The following DNAH12 variants were observed in gnomAD, a reference collection of about 807,000 sequenced individuals.
DNAH12 encodes the protein dynein axonemal heavy chain 12, also known as axonemal beta dynein heavy chain 12.
DNAH12 carries 285 observed loss-of-function variants against 371.5 expected under a neutral mutation model. That is an observed-to-expected ratio of 0.77 (90% CI 0.70 to 0.85). The LOEUF is 0.85. DNAH12 is among the 40% of genes least tolerant of loss of function. The pLI is 0.00. For missense variants in DNAH12, 3,611 were observed against 3,689.4 expected (o/e 0.98, Z 0.55); for synonymous variants, 1,200 against 1,213.0 (o/e 0.99, Z 0.22).
chr3:57,487,414 A>AG (rs1553707697), intron 12 of DNAH12, among the ~76,000 whole-genome samples: 1 of 146,220 alleles, frequency 6.8e-6, no homozygotes, highest in African/African-American at 2.5e-5. Context: ...AAAAAAAAGA[A>AG]AAAGAAAGAA....
intron 2 of DNAH12, chr3:57,530,762 C>CT: frequency 4.3e-6 from 1 of 232,130 alleles, no homozygotes. Flanking sequence ...ACCTACATCA[C>CT]TTGGAGCCCC....
intron 50 of DNAH12, among the ~76,000 whole-genome samples, chr3:57,380,685 C>G (rs1275821161): frequency 6.6e-6 from 1 of 151,984 alleles, no homozygotes; most frequent in African/African-American, 2.4e-5. Context: ...GGCTGGTCTC[C>G]AACTCCTGAC....
At chr3:57,490,352 A>G (rs897065275) in intron 11 of DNAH12, among the ~76,000 whole-genome samples, 1 of 152,126 alleles carries the variant, frequency 6.6e-6, no homozygotes, top group Non-Finnish European at 1.5e-5. Context: ...AATGATAATA[A>G]TCCAGGAACA....
chr3:57,433,702 G>T lies in DNAH12; in HGVS notation c.4782C>A (p.Asn1594Lys). Reference sequence around the variant, plus strand: ...GTTGGCCCATAGTAATAGATTTGGGGTTTACAGTTCTATAAATGACCTTTT... The same window carrying T: ...GTTGGCCCATAGTAATAGATTTGGGTTTTACAGTTCTATAAATGACCTTTT... ...EEEKVIYRTV[N>K]PKSITMGQLF... Residue 1594 changes from asparagine (N) to lysine (K), a missense_variant, in exon 31 of 74, where the codon AAC becomes AAA. Asn to Lys is a moderately conservative substitution (Grantham distance 94). This residue lies in a region of DNAH12 where 2,266 missense variants were observed against 2,236.9 expected (regional missense o/e 1.01). Coordinates refer to ENST00000495027, the MANE Select transcript of DNAH12 (RefSeq NM_001366028.2). The T allele has an allele frequency of 5.8e-6, 9 of 1,551,206 alleles. No individual in the cohort carries two copies. Among genetic ancestry groups the T allele is most frequent in the Non-Finnish European group, 7.0e-6 (8 of 1,146,918 alleles).
At position 57,542,809 on chromosome 3, in the gene DNAH12, G is replaced by T; in HGVS notation, c.62C>A (p.Pro21His). 1.2e-6 allele frequency: 2 copies of T among 1,607,474 alleles called. No homozygotes were observed. Among genetic ancestry groups the T allele is most frequent in the Non-Finnish European group, 1.7e-6 (2 of 1,177,776 alleles). ...GTTTTCTGGGAGATGGACAATGGGG[G>T]GTAACTTCAAGTTCAGAGCTTCCTT... ...AEKEALNLKL[P>H]PIVHLPENIG... The change falls in exon 2 of 74, where the codon CCC becomes CAC. Residue 21 changes from proline to histidine, a missense_variant. Coordinates refer to ENST00000495027, the MANE Select transcript of DNAH12 (RefSeq NM_001366028.2).
At chr3:57,541,568 CTTGCTCAG>C (rs2069287032) in intron 2 of DNAH12, among the ~76,000 whole-genome samples, 2 of 151,768 alleles carry the variant, frequency 1.3e-5, no homozygotes, top group South Asian at 2.1e-4. Context: ...GTCTCACTAC[CTTGCTCAG>C]ACTCATCTCA....
chr3:57,497,327 T>C (rs559956646), intron 11 of DNAH12, among the ~76,000 whole-genome samples: 175 of 152,306 alleles, frequency 1.1e-3, no homozygotes, highest in African/African-American at 3.9e-3. Context: ...CTTGCACTAC[T>C]TGATTTTACA....
intron 13 of DNAH12, among the ~76,000 whole-genome samples, chr3:57,479,636 C>T (rs1486794046): frequency 1.9e-4 from 29 of 152,290 alleles, no homozygotes; most frequent in African/African-American, 7.0e-4. Context: ...CAGCACCACA[C>T]AGCACTTATT....
chr3:57,304,819 T>C (rs2061435304), intron 69 of DNAH12, among the ~76,000 whole-genome samples: 1 of 152,058 alleles, frequency 6.6e-6, no homozygotes, highest in Non-Finnish European at 1.5e-5. Flanking sequence ...CTCTGACCCC[T>C]TCTCTCCATG....
At chr3:57,523,956 G>A (rs2068543560) in intron 2 of DNAH12, 72 bp from the exon 3 acceptor site, 1 of 1,147,776 alleles carries the variant, frequency 8.7e-7, no homozygotes. Context: ...TACAATTTAA[G>A]CATTTTTCCA....
At chr3:57,457,081 A>C (rs2153375806) in intron 22 of DNAH12, among the ~76,000 whole-genome samples, 1 of 152,260 alleles carries the variant, frequency 6.6e-6, no homozygotes, top group South Asian at 2.1e-4. Context: ...CATCTGAACT[A>C]ATCTGAGTCT....
chr3:57,461,686 A>G lies in DNAH12; in HGVS notation c.2539T>C (p.Phe847Leu), dbSNP rs1275496138. Residue 847 changes from phenylalanine (F) to leucine (L), a missense_variant, in exon 19 of 74, where the codon TTT (phenylalanine) becomes CTT (leucine). Transcript: ENST00000495027. Reference sequence around the variant, plus strand: ...GTATTCATGGCTTTCTCTAATGAAAATTCCTAAAACGGAGGAATGAAGAAA... The same window carrying G: ...GTATTCATGGCTTTCTCTAATGAAAGTTCCTAAAACGGAGGAATGAAGAAA... ...EVISAGASKE[F>L]SLEKAMNTMI... The G allele has an allele frequency of 6.5e-7, 1 of 1,550,206 alleles. No homozygotes were observed.
intron 55 of DNAH12, among the ~76,000 whole-genome samples, chr3:57,369,050 A>G (rs1008610484): frequency 3.7e-4 from 56 of 151,680 alleles, no homozygotes; most frequent in African/African-American, 1.3e-3. Flanking sequence ...CTACTAAAAA[A>G]AAAGTAAATA....
At position 57,323,247 on chromosome 3, in the gene DNAH12, A is replaced by G. The variant is rs1404796574; in HGVS notation, c.10143T>C (p.Phe3381=). The change falls in exon 64 of 74, where the codon TTT becomes TTC. Residue 3381 remains phenylalanine (F), a synonymous_variant. Coordinates refer to ENST00000495027, the MANE Select transcript of DNAH12 (RefSeq NM_001366028.2). ...TTCCAGACATAGATTTATCATTTGC[A>G]AATTTCAGCAGGCCTATAAGAGGCA... is the stretch of plus-strand genomic sequence containing the variant. ...GADPMASLLK[F]ANDKSMSGNK... The G allele has an allele frequency of 1.3e-6, 2 of 1,551,300 alleles. No homozygotes were observed. Among genetic ancestry groups the G allele is most frequent in the Non-Finnish European group, 1.7e-6 (2 of 1,146,996 alleles).
At chr3:57,332,087 T>C (rs1185802464) in intron 62 of DNAH12, among the ~76,000 whole-genome samples, 1 of 152,240 alleles carries the variant, frequency 6.6e-6, no homozygotes, top group Non-Finnish European at 1.5e-5. Flanking sequence ...CTCTCTTTCC[T>C]ACTGTGATAG....
chr3:57,381,387 A>G, intron 50 of DNAH12, among the ~76,000 whole-genome samples: 1 of 152,296 alleles, frequency 6.6e-6, no homozygotes, highest in Middle Eastern at 3.4e-3. Flanking sequence ...GTATTAGAAA[A>G]ACCTGAAAAT....
At chr3:57,313,729 C>T (rs1157706914) in intron 66 of DNAH12, among the ~76,000 whole-genome samples, 1 of 152,110 alleles carries the variant, frequency 6.6e-6, no homozygotes, top group Non-Finnish European at 1.5e-5. Context: ...ATTGCTTGAA[C>T]TCAGGAGTTC....
chr3:57,311,182 T>C (rs1322345456), intron 66 of DNAH12, among the ~76,000 whole-genome samples: 1 of 152,142 alleles, frequency 6.6e-6, no homozygotes, highest in Non-Finnish European at 1.5e-5. Flanking sequence ...TTCAAGCGAT[T>C]CTCCTGCCTC....
At chr3:57,531,578 A>G (rs2068848894) in intron 2 of DNAH12, among the ~76,000 whole-genome samples, 2 of 152,014 alleles carry the variant, frequency 1.3e-5, no homozygotes. Context: ...CCTGGCCAAC[A>G]TGGCAAAACC....
Sources: allele counts gnomAD v4.1 joint callset (sites outside exome capture counted in the v4.1 genomes callset), GRCh38; gene constraint gnomAD v4.1.1; regional missense constraint gnomAD v4.1.1; transcripts MANE v1.5; gene names NCBI Gene and HGNC (gene_info 2026-07-23, HGNC 2026-07-21).